The following TCF20 variants were observed in gnomAD, a reference collection of about 807,000 sequenced individuals.
TCF20 encodes the protein transcription factor 20, also known as SPRE-binding protein.
TCF20 carries 3 observed loss-of-function variants against 148.6 expected under a neutral mutation model. That is an observed-to-expected ratio of 0.02 (90% CI 0.01 to 0.05). TCF20 has a LOEUF of 0.05. TCF20 is among the 10% of genes least tolerant of loss of function. The pLI is 1.00. For synonymous variants in TCF20, 1,049 were observed against 909.5 expected, an observed-to-expected ratio of 1.15 and a Z score of -2.76; for missense variants, 2,350 against 2,429.3, an observed-to-expected ratio of 0.97 and a Z score of 0.69.
chr22:42,177,204 C>A (rs965338563), intron 3 of TCF20, among the ~76,000 whole-genome samples: 52 of 152,174 alleles, frequency 3.4e-4, no homozygotes, highest in African/African-American at 1.2e-3. Flanking sequence ...CACCTGAGGT[C>A]GGGAGTTTGA....
upstream of TCF20, among the ~76,000 whole-genome samples, chr22:42,271,147 G>A (rs914586802): frequency 5.3e-5 from 8 of 152,216 alleles, no homozygotes; most frequent in African/African-American, 1.9e-4. Context: ...AGAGCCCTCT[G>A]GGCCGGGGGC....
At chr22:42,202,913 T>A (rs563904577) in intron 2 of TCF20, among the ~76,000 whole-genome samples, 4 of 152,170 alleles carry the variant, frequency 2.6e-5, no homozygotes, top group African/African-American at 4.8e-5. Context: ...CCCTGCAAGT[T>A]CCCTGACAGG....
Position 42,210,888 on chromosome 22 carries a change from C to G in TCF20, c.4418G>C (p.Gly1473Ala), listed in dbSNP as rs201804236. The G allele has an allele frequency of 1.4e-5, 22 of 1,614,178 alleles. No individual in the cohort carries two copies. The East Asian group carries it at 4.5e-4, about 33-fold the overall frequency. Residue 1473 changes from glycine to alanine, a missense_variant, in exon 2 of 6, where the codon GGT (glycine) becomes GCT (alanine). By Grantham distance (60) the Gly-to-Ala change is moderately conservative. Coordinates refer to ENST00000677622, the MANE Select transcript of TCF20 (RefSeq NM_001378418.1). This position sits in a 1 kb window ranked among gnomAD's most constrained non-coding sequence, Gnocchi z 4.7. ...AMTSTTSQKP[G>A]SNQGRPDGSL... The stretch of plus-strand genomic sequence containing the variant: ...ACCATCTGGTCTCCCTTGGTTACTA[C>G]CAGGCTTCTGTGAGGTTGTGGATGT...
At chr22:42,294,590 C>T (rs901643806) in intron 1 of TCF20, among the ~76,000 whole-genome samples, 1 of 152,120 alleles carries the variant, frequency 6.6e-6, no homozygotes, top group Non-Finnish European at 1.5e-5. Flanking sequence ...CTGGGCCCAG[C>T]GGTCACAAGG....
upstream of TCF20, among the ~76,000 whole-genome samples, chr22:42,284,952 G>A (rs896899693): frequency 6.6e-5 from 10 of 152,254 alleles, no homozygotes; most frequent in Non-Finnish European, 5.9e-5. Context: ...ACTCTGGGCC[G>A]TGGCCAGATC....
intron 1 of TCF20, among the ~76,000 whole-genome samples, chr22:42,236,687 AAG>A (rs1641684752): frequency 6.6e-6 from 1 of 152,208 alleles, no homozygotes; most frequent in Non-Finnish European, 1.5e-5. Context: ...AAAAAAGTCA[AAG>A]AGACACAAAC....
chr22:42,323,866 G>GTGGTGGTGGTGGTGATGGAGGTTA (rs1927783226), intron 1 of TCF20, among the ~76,000 whole-genome samples: 1 of 129,960 alleles, frequency 7.7e-6, no homozygotes, highest in Non-Finnish European at 1.8e-5. Flanking sequence ...GGTTATGGTG[G>GTGGTGGTGGTGGTGATGGAGGTTA]TGGTGGTGGT....
Position 42,212,678 on chromosome 22 carries a change from A to C in TCF20, c.2628T>G (p.Ile876Met). The change falls in exon 2 of 6, where the codon ATT becomes ATG. Residue 876 changes from isoleucine (I) to methionine (M), a missense_variant. Ile to Met is a conservative substitution (Grantham distance 10, BLOSUM62 1). Coordinates refer to ENST00000677622, the MANE Select transcript of TCF20 (RefSeq NM_001378418.1). ...GTGAGTGAGCCCCTGGGTCCCTGAC[A>C]ATCTGTCTTAGTGGAGAAATATCAC... ...VICDISPLRQ[I>M]VRDPGAHSLG... The C allele has an allele frequency of 3.1e-6, 5 of 1,614,166 alleles. No individual in the cohort carries two copies. Among genetic ancestry groups the C allele is most frequent in the Non-Finnish European group, 4.2e-6 (5 of 1,180,016 alleles).
At chr22:42,256,251 T>A (rs547393610) in intron 1 of TCF20, among the ~76,000 whole-genome samples, 50 of 152,338 alleles carry the variant, frequency 3.3e-4, no homozygotes, top group African/African-American at 1.2e-3. Flanking sequence ...TATTGGACTC[T>A]CCCACAGACC....
chr22:42,249,925 A>C (rs1042940402), intron 1 of TCF20, among the ~76,000 whole-genome samples: 1 of 152,104 alleles, frequency 6.6e-6, no homozygotes, highest in Admixed American at 6.5e-5. Flanking sequence ...GTGCATTATC[A>C]CAACACTGAC....
chr22:42,182,288 T>C (rs1031523481), intron 2 of TCF20, among the ~76,000 whole-genome samples: 1 of 152,186 alleles, frequency 6.6e-6, no homozygotes, highest in African/African-American at 2.4e-5. Context: ...GGACTAATAA[T>C]AGCACTCACC....
At chr22:42,283,146 C>T (rs1926943703) in intron 1 of TCF20, among the ~76,000 whole-genome samples, 1 of 152,294 alleles carries the variant, frequency 6.6e-6, no homozygotes, top group South Asian at 2.1e-4. Flanking sequence ...AGCCCTCGAT[C>T]TGCCTCTTCA....
chr22:42,222,087 G>T (rs1017907734), intron 1 of TCF20, among the ~76,000 whole-genome samples: 1 of 152,096 alleles, frequency 6.6e-6, no homozygotes, highest in African/African-American at 2.4e-5. Context: ...CAAGGCCTCT[G>T]GCCCTCTAGA....
At chr22:42,273,207 A>G (rs112539979), upstream of TCF20, among the ~76,000 whole-genome samples, 5,829 of 151,560 alleles carry the variant, frequency 0.038, 375 homozygotes, top group African/African-American at 0.13. Context: ...TAAAAATACA[A>G]AAATTAGCTG....
At chr22:42,183,626 G>T (rs1936890846) in intron 2 of TCF20, among the ~76,000 whole-genome samples, 1 of 152,212 alleles carries the variant, frequency 6.6e-6, no homozygotes, top group African/African-American at 2.4e-5. Flanking sequence ...TTCCAGCCCA[G>T]TAAGACACCT....
At chr22:42,162,799 TG>T (rs1321237984) in intron 5 of TCF20, among the ~76,000 whole-genome samples, 4 of 152,328 alleles carry the variant, frequency 2.6e-5, no homozygotes, top group African/African-American at 9.6e-5. Flanking sequence ...CTAAGGCGGC[TG>T]GGGCCTGCGG....
At chr22:42,220,338 A>G (rs572202945) in intron 1 of TCF20, among the ~76,000 whole-genome samples, 22 of 152,188 alleles carry the variant, frequency 1.4e-4, no homozygotes, top group Non-Finnish European at 2.5e-4. Flanking sequence ...AATTTTTAAA[A>G]AATAATTGGG....
At chr22:42,340,915 G>A (rs1233636330) in intron 1 of TCF20, among the ~76,000 whole-genome samples, 1 of 119,490 alleles carries the variant, frequency 8.4e-6, no homozygotes, top group Non-Finnish European at 1.7e-5. Flanking sequence ...GCCCGCAGCC[G>A]GCTCCTTTCT....
intron 3 of TCF20, among the ~76,000 whole-genome samples, chr22:42,176,036 T>C (rs933502921): frequency 6.6e-6 from 1 of 151,916 alleles, no homozygotes; most frequent in African/African-American, 2.4e-5. Flanking sequence ...GCTCAAGCAA[T>C]CCTCCCACCT....
Sources: allele counts gnomAD v4.1 joint callset (sites outside exome capture counted in the v4.1 genomes callset), GRCh38; gene constraint gnomAD v4.1.1; non-coding constraint Gnocchi (gnomAD v3.1); transcripts MANE v1.5; gene names NCBI Gene and HGNC (gene_info 2026-07-23, HGNC 2026-07-21).